SFXN1: variants seen among roughly 807,000 people sequenced by gnomAD.
SFXN1 encodes sideroflexin-1.
A neutral mutation model predicts 39.5 loss-of-function variants in SFXN1; 32 were observed. That is an observed-to-expected ratio of 0.81 (90% confidence interval 0.61 to 1.09). The LOEUF is 1.09. Ranked by LOEUF, SFXN1 falls within the 50% of genes least tolerant of loss-of-function variation. The pLI, the probability that SFXN1 is intolerant of heterozygous loss-of-function variation, is 0.00. For missense variants in SFXN1, 402 were observed against 407.1 expected, an observed-to-expected ratio of 0.99 and a Z score of 0.11; for synonymous variants, 136 against 146.5, an observed-to-expected ratio of 0.93 and a Z score of 0.52.
chr5:175,498,605 C>T (rs943870714), intron 2 of SFXN1, among the ~76,000 whole-genome samples: 3 of 152,118 alleles, frequency 2.0e-5, no homozygotes, highest in Non-Finnish European at 2.9e-5. Context: ...GGATAAGCCT[C>T]TGGTAAGTCT....
intron 1 of SFXN1, among the ~76,000 whole-genome samples, chr5:175,489,402 G>A (rs1297280406): frequency 1.3e-5 from 2 of 152,146 alleles, no homozygotes; most frequent in East Asian, 1.9e-4. Context: ...GAATTCCCCT[G>A]CACGCCCTGC....
At position 175,499,257 on chromosome 5, in the gene SFXN1, G is replaced by GA. The variant is rs201638813; in HGVS notation, c.164+7002dup. ...GCAACAGAGTGAGACTCTGTCTCAA[G>GA]AAAAAAAAAAAAGGGATATCAAACC... On this transcript the variant is annotated intron_variant, in intron 2 of 10. Transcript: ENST00000321442. 1.3e-3 allele frequency among the ~76,000 whole-genome samples: 171 copies of GA among 136,776 alleles called. No homozygotes were observed. In the East Asian group the frequency reaches 0.017, roughly 13 times the overall value. The allele number at this position is 136,776 out of a possible 152,430, so 89.7% of individuals were successfully genotyped here.
intron 10 of SFXN1, among the ~76,000 whole-genome samples, chr5:175,526,328 T>G (rs1002072712): frequency 1.3e-5 from 2 of 152,030 alleles, no homozygotes; most frequent in Admixed American, 6.5e-5. Flanking sequence ...CCACAAATGG[T>G]TTTTCCAACA....
At chr5:175,518,583 A>G (rs1344763726) in intron 8 of SFXN1, among the ~76,000 whole-genome samples, 1 of 152,220 alleles carries the variant, frequency 6.6e-6, no homozygotes, top group African/African-American at 2.4e-5. Context: ...ATCTTACCCA[A>G]CTGGTGTAGG....
intron 6 of SFXN1, 138 bp from the exon 7 acceptor site, chr5:175,513,318 AAAAAAAC>A (rs1462839002): frequency 5.3e-6 from 4 of 751,952 alleles, no homozygotes; most frequent in African/African-American, 1.8e-5. Context: ...AAAAAAAAAA[AAAAAAAC>A]AGATGTGTCA....
chr5:175,487,943 G>A (rs1308753150), intron 1 of SFXN1, among the ~76,000 whole-genome samples: 2 of 152,112 alleles, frequency 1.3e-5, no homozygotes, highest in Non-Finnish European at 1.5e-5. Context: ...GAAATACCCA[G>A]AATTCCAGTA....
At chr5:175,495,467 G>A (rs1759823930) in intron 2 of SFXN1, among the ~76,000 whole-genome samples, 2 of 152,198 alleles carry the variant, frequency 1.3e-5, no homozygotes, top group Non-Finnish European at 2.9e-5. Flanking sequence ...GGTGGCACAT[G>A]CCTGTAATCC....
At position 175,483,428 on chromosome 5, in the gene SFXN1, GA is replaced by G. The variant is rs1759330121; in HGVS notation, c.-10+4794del. On this transcript the variant is annotated intron_variant, in intron 1 of 10. Coordinates refer to ENST00000321442, the MANE Select transcript of SFXN1 (RefSeq NM_022754.7). ...CAAAAATTTCTTTAAAATCATTCAT[GA>G]AAAAGATTCTTAGAATTAACACCTC... Among the ~76,000 whole-genome samples the G allele has an allele frequency of 2.0e-5, 3 of 152,064 alleles. No individual in the cohort carries two copies. The South Asian group carries it at 6.2e-4, about 32-fold the overall frequency.
In SFXN1 at chr5:175,509,464, G is replaced by T. The variant is rs371420728; in HGVS notation, c.335+262G>T. ...GGGGTATTATTGATGTAAAAGAAAA[G>T]AAGTCATTTCACTTTTAGTTCCATT... is the stretch of plus-strand genomic sequence containing the variant. On this transcript the variant is annotated intron_variant, in intron 3 of 10. Coordinates refer to ENST00000321442, the MANE Select transcript of SFXN1 (RefSeq NM_022754.7). The T allele has an allele frequency of 4.9e-5, 12 of 244,268 alleles. No individual in the cohort carries two copies. The South Asian group carries it at 1.3e-3, about 26-fold the overall frequency. 15.1% of individuals were successfully genotyped at this position (244,268 alleles called of 1,614,324 possible).
intron 2 of SFXN1, among the ~76,000 whole-genome samples, chr5:175,494,193 C>G (rs1482056098): frequency 1.3e-5 from 2 of 152,172 alleles, no homozygotes; most frequent in Non-Finnish European, 2.9e-5. Flanking sequence ...GAGACCTGCC[C>G]TATTTCAAGC....
Position 175,511,454 on chromosome 5 carries a change from G to C in SFXN1, c.438G>C (p.Glu146Asp). ...CGATATCCTTTTTTCTTTTCAGTGA[G>C]TTGGGAACAGCTTACGTTTCTGCAA... ...RSGDAPLTVN[E>D]LGTAYVSATT... The change falls in exon 5 of 11, where the codon GAG (glutamate) becomes GAC (aspartate). Residue 146 changes from glutamate (E) to aspartate (D), a missense_variant. Transcript: ENST00000321442. The C allele has an allele frequency of 6.2e-7, 1 of 1,613,954 alleles. No individual in the cohort carries two copies. Among genetic ancestry groups the C allele is most frequent in the Non-Finnish European group, 8.5e-7 (1 of 1,179,908 alleles).
chr5:175,480,911 T>C (rs1303894932), intron 1 of SFXN1, among the ~76,000 whole-genome samples: 1 of 152,210 alleles, frequency 6.6e-6, no homozygotes, highest in Non-Finnish European at 1.5e-5. Context: ...AATCCATTTT[T>C]TAAAAAGGGG....
At chr5:175,491,865 T>C (rs1465817669) in intron 1 of SFXN1, 4 of 412,936 alleles carry the variant, frequency 9.7e-6, no homozygotes, top group Non-Finnish European at 1.7e-5. Flanking sequence ...TATGTACTTA[T>C]AAAGAGAAAT....
At chr5:175,478,993 C>T (rs1759132339) in intron 1 of SFXN1, among the ~76,000 whole-genome samples, 1 of 152,178 alleles carries the variant, frequency 6.6e-6, no homozygotes, top group Non-Finnish European at 1.5e-5. Flanking sequence ...TCCGGGGACA[C>T]CAAGATGGCT....
chr5:175,480,410 AAAAT>A (rs1561648189), intron 1 of SFXN1, among the ~76,000 whole-genome samples: 1 of 152,110 alleles, frequency 6.6e-6, no homozygotes, highest in Non-Finnish European at 1.5e-5. Flanking sequence ...TAAAAAAAAA[AAAAT>A]ACAGTGTTTG....
chr5:175,499,012 T>C (rs1039655258), intron 2 of SFXN1, among the ~76,000 whole-genome samples: 3 of 152,180 alleles, frequency 2.0e-5, no homozygotes, highest in African/African-American at 4.8e-5. Flanking sequence ...CCCAGCACTT[T>C]GGGAGGCTGA....
At chr5:175,504,020 A>G (rs1423545153) in intron 2 of SFXN1, among the ~76,000 whole-genome samples, 18 of 147,782 alleles carry the variant, frequency 1.2e-4, no homozygotes, top group East Asian at 1.0e-3. Context: ...AAAAAAAAAA[A>G]GGGATCCTAT....
intron 2 of SFXN1, among the ~76,000 whole-genome samples, chr5:175,506,230 A>T (rs186747427): frequency 1.3e-5 from 2 of 152,380 alleles, no homozygotes; most frequent in Admixed American, 6.5e-5. Context: ...TAATCTTTCT[A>T]GATAGAAACT....
intron 2 of SFXN1, among the ~76,000 whole-genome samples, chr5:175,508,643 A>T (rs1184177181): frequency 1.4e-5 from 2 of 138,006 alleles, no homozygotes; most frequent in African/African-American, 6.4e-5. Flanking sequence ...AGGTGAGCAT[A>T]AATTTTTTTT....
Sources: gnomAD v4.1 joint callset for allele counts (sites outside exome capture counted in the v4.1 genomes callset) on GRCh38, gnomAD v4.1.1 for gene constraint, MANE v1.5 for transcripts, NCBI Gene and HGNC (gene_info 2026-07-23, HGNC 2026-07-21) for gene names.